Variants in PCDHA1 observed in about 807,000 individuals in gnomAD.
PCDHA1 encodes the protein protocadherin alpha 1.
Under a neutral mutation model 61.3 loss-of-function variants are expected in PCDHA1, and 42 were observed. The ratio of observed to expected loss-of-function variants is 0.69; its 90% CI spans 0.54 to 0.89. PCDHA1 has a LOEUF of 0.89. Among genes scored for constraint, PCDHA1 ranks in the 40% least tolerant of loss-of-function variants. The probability of loss-of-function intolerance (pLI) is 0.00; values close to 1 mark genes in which losing one functional copy is unlikely to be tolerated. For synonymous variants in PCDHA1, 610 were observed against 553.8 expected (o/e 1.10, Z -1.43); for missense variants, 1,256 against 1,235.3 (o/e 1.02, Z -0.25).
intron 1 of PCDHA1, among the ~76,000 whole-genome samples, chr5:140,951,398 A>T (rs1428015395): frequency 6.6e-6 from 1 of 152,100 alleles, no homozygotes; most frequent in Non-Finnish European, 1.5e-5. Flanking sequence ...TTATAAAGAA[A>T]AGAGGTTTAA....
intron 1 of PCDHA1, chr5:140,927,776 T>C (rs781966197): frequency 7.4e-6 from 12 of 1,614,140 alleles, no homozygotes; most frequent in South Asian, 1.1e-5. Flanking sequence ...GAGGTGCAAG[T>C]AGCTGCTTCA....
chr5:140,812,585 T>C (rs1765140145), intron 1 of PCDHA1: 1 of 152,148 alleles, frequency 6.6e-6, no homozygotes, highest in African/African-American at 2.4e-5. Flanking sequence ...CTTTCTTCTT[T>C]CTTCATTTTT....
chr5:140,841,669 T>A, intron 1 of PCDHA1: 1 of 1,614,020 alleles, frequency 6.2e-7, no homozygotes, highest in East Asian at 2.2e-5. Flanking sequence ...CGCTGCAGGT[T>A]TTCCATGTGG....
Position 140,828,319 on chromosome 5 carries a change from G to A in PCDHA1, c.2394+39635G>A, listed in dbSNP as rs2150153971. The A allele has an allele frequency of 4.5e-5, 73 of 1,614,234 alleles. No individual in the cohort carries two copies. In the East Asian group the frequency reaches 1.0e-3, roughly 23 times the overall value. On this transcript the variant is annotated intron_variant, in intron 1 of 3. Coordinates refer to ENST00000504120, the MANE Select transcript of PCDHA1 (RefSeq NM_018900.4). The stretch of plus-strand genomic sequence containing the variant: ...CCAAAGACCGCGAGGACCTTCTGGA[G>A]GTAAATCTGCAGAATGGCATTTTGT...
intron 1 of PCDHA1, chr5:140,804,325 A>G (rs954651388): frequency 3.3e-5 from 5 of 152,066 alleles, no homozygotes; most frequent in Admixed American, 2.0e-4. Flanking sequence ...TACTACTTTA[A>G]TAATACTACT....
intron 1 of PCDHA1, chr5:140,869,538 T>C (rs536846543): frequency 1.2e-6 from 2 of 1,614,204 alleles, no homozygotes; most frequent in East Asian, 4.5e-5. Context: ...TTGCGGAATC[T>C]AAGCAATCGG....
chr5:140,857,791 G>A, intron 1 of PCDHA1: 2 of 1,597,714 alleles, frequency 1.3e-6, no homozygotes, highest in Non-Finnish European at 1.7e-6. Context: ...AGCTGGTGCT[G>A]CGGTCGGTGG....
At chr5:140,881,235 T>C (rs2058632833) in intron 1 of PCDHA1, 1 of 352,648 alleles carries the variant, frequency 2.8e-6, no homozygotes, top group South Asian at 1.1e-4. Context: ...TTAAAGTCAA[T>C]TTAAATGACG....
In PCDHA1 at chr5:140,974,947, C is replaced by T. The variant is rs145175873; in HGVS notation, c.2395-4002C>T. On this transcript the variant is annotated intron_variant, in intron 1 of 3. Coordinates refer to ENST00000504120, the MANE Select transcript of PCDHA1 (RefSeq NM_018900.4). ...GTTTAAAACACCACCTATTTGTTAT[C>T]TCACAGTCCTGTACCATGTGGCTGA... is the stretch of plus-strand genomic sequence containing the variant. 2.7e-3 allele frequency among the ~76,000 whole-genome samples: 417 copies of T among 152,322 alleles called. 3 individuals carry two copies. The highest frequency in any genetic ancestry group is 2.1e-3 in the Non-Finnish European group (142 of 68,022).
chr5:140,804,231 C>T (rs1763360733), intron 1 of PCDHA1: 1 of 151,966 alleles, frequency 6.6e-6, no homozygotes, highest in African/African-American at 2.4e-5. Context: ...TTCTTGATTT[C>T]CCAGTTGGGA....
At chr5:140,860,192 C>CATATATATAT (rs143984774) in intron 1 of PCDHA1, 4 of 146,816 alleles carry the variant, frequency 2.7e-5, no homozygotes, top group African/African-American at 7.5e-5. Context: ...GCTCTCCTTA[C>CATATATATAT]ATATATATCT....
rs182063339 is a variant in PCDHA1 at position 140,937,439 on chromosome 5, T to C, written c.2395-41510T>C. Among the ~76,000 whole-genome samples, 830 of 152,312 alleles carry C rather than the reference T, an allele frequency of 5.4e-3. 3 individuals are homozygous for C. The highest frequency in any genetic ancestry group is 0.019 in the African/African-American group (799 of 41,586). Reference sequence around the variant, plus strand: ...TAGATAGCTGATATTTTAATGCTATTTTAAAAGTTTAATTTTATAATACAA... The same window carrying C: ...TAGATAGCTGATATTTTAATGCTATCTTAAAAGTTTAATTTTATAATACAA... On this transcript the variant is annotated intron_variant, in intron 1 of 3. Coordinates refer to ENST00000504120, the MANE Select transcript of PCDHA1 (RefSeq NM_018900.4).
intron 1 of PCDHA1, chr5:140,834,303 G>T (rs2150215099): frequency 7.6e-7 from 1 of 1,308,316 alleles, no homozygotes; most frequent in Admixed American, 2.2e-5. Context: ...CACACATCGA[G>T]ATTGAAATGA....
intron 1 of PCDHA1, chr5:140,823,894 T>G: frequency 6.2e-7 from 1 of 1,613,928 alleles, no homozygotes; most frequent in Non-Finnish European, 8.5e-7. Context: ...CTGTGCGGTG[T>G]CCAGCCTGCT....
intron 1 of PCDHA1, chr5:140,967,333 C>T (rs113984883): frequency 1.9e-6 from 3 of 1,608,148 alleles, no homozygotes; most frequent in Admixed American, 1.7e-5. Context: ...AGCTCAGCCC[C>T]AGCGAGCACT....
intron 1 of PCDHA1, chr5:140,865,236 G>A (rs192476838): frequency 8.5e-5 from 13 of 152,224 alleles, no homozygotes; most frequent in Admixed American, 3.3e-4. Flanking sequence ...CAGAGAACAC[G>A]TATTTATAGC....
chr5:140,807,497 A>T, intron 1 of PCDHA1: 1 of 1,613,722 alleles, frequency 6.2e-7, no homozygotes, highest in African/African-American at 1.3e-5. Flanking sequence ...GGAGTGCAGC[A>T]TCCACCTGGA....
intron 3 of PCDHA1, among the ~76,000 whole-genome samples, chr5:140,993,020 C>G (rs2097537480): frequency 6.6e-6 from 1 of 152,192 alleles, no homozygotes; most frequent in African/African-American, 2.4e-5. Flanking sequence ...TCCAGCATCC[C>G]CTGTGGGCTC....
intron 1 of PCDHA1, chr5:140,870,322 G>A (rs1554164069): frequency 6.2e-7 from 1 of 1,614,086 alleles, no homozygotes; most frequent in African/African-American, 1.3e-5. Flanking sequence ...CTACTCGTTG[G>A]TGCTGGACAG....
Sources: gnomAD v4.1 joint callset for allele counts (sites outside exome capture counted in the v4.1 genomes callset) on GRCh38, gnomAD v4.1.1 for gene constraint, MANE v1.5 for transcripts, NCBI Gene and HGNC (gene_info 2026-07-23, HGNC 2026-07-21) for gene names.